GALNT13: variants seen among roughly 807,000 people sequenced by gnomAD.
GALNT13 encodes UDP-GalNAc:polypeptide N-acetylgalactosaminyltransferase 13.
In GALNT13, 28 loss-of-function variants were observed where a neutral mutation model predicts 64.2. That is an observed-to-expected ratio of 0.44 (90% CI 0.32 to 0.60). The LOEUF is 0.60. Among genes scored for constraint, GALNT13 ranks in the 20% least tolerant of loss-of-function variants. The pLI, the probability that GALNT13 is intolerant of heterozygous loss-of-function variation, is 0.05. For synonymous variants in GALNT13, 214 were observed against 224.6 expected (o/e 0.95, Z 0.42); for missense variants, 577 against 669.8 (o/e 0.86, Z 1.53).
chr2:153,900,083 T>A (rs1416047401), intron 1 of GALNT13, among the ~76,000 whole-genome samples: 1 of 151,316 alleles, frequency 6.6e-6, no homozygotes, highest in Non-Finnish European at 1.5e-5. Flanking sequence ...CTACAGGCAC[T>A]CACTACCATG....
chr2:154,078,399 T>C (rs1485117572), intron 3 of GALNT13, among the ~76,000 whole-genome samples: 1 of 151,538 alleles, frequency 6.6e-6, no homozygotes, highest in Non-Finnish European at 1.5e-5. Flanking sequence ...ATAAAGGATT[T>C]GTCTCAAACA....
the GALNT13 span, among the ~76,000 whole-genome samples, chr2:153,313,559 G>T: frequency 6.6e-6 from 1 of 151,986 alleles, no homozygotes; most frequent in Non-Finnish European, 1.5e-5. Flanking sequence ...GTGGCGGGGT[G>T]GGAGAAGGGA....
chr2:153,513,296 T>G, the GALNT13 span, among the ~76,000 whole-genome samples: 1 of 152,200 alleles, frequency 6.6e-6, no homozygotes, highest in Non-Finnish European at 1.5e-5. Context: ...TTATTGAAAT[T>G]GCTGCTTTGG....
the GALNT13 span, among the ~76,000 whole-genome samples, chr2:153,566,105 A>G: frequency 6.6e-6 from 1 of 152,142 alleles, no homozygotes; most frequent in Non-Finnish European, 1.5e-5. Flanking sequence ...AACAACTTAG[A>G]AGGCATGATA....
chr2:153,603,443 A>G, the GALNT13 span, among the ~76,000 whole-genome samples: 6 of 151,984 alleles, frequency 3.9e-5, no homozygotes, highest in African/African-American at 1.4e-4. Flanking sequence ...CCCAGATGTT[A>G]CCATATACTT....
chr2:153,534,935 C>CTCAAGTCAAGGAAG, the GALNT13 span, among the ~76,000 whole-genome samples: 1,536 of 152,126 alleles, frequency 0.01, 35 homozygotes, highest in African/African-American at 0.035. Context: ...TTGGCTTGGG[C>CTCAAGTCAAGGAAG]TCAGAGGCCT....
chr2:153,642,095 T>A, the GALNT13 span, among the ~76,000 whole-genome samples: 1 of 152,004 alleles, frequency 6.6e-6, no homozygotes, highest in Non-Finnish European at 1.5e-5. Context: ...TAAATTATTT[T>A]ATCTTCATAC....
chr2:153,715,459 T>A, the GALNT13 span, among the ~76,000 whole-genome samples: 10 of 152,262 alleles, frequency 6.6e-5, no homozygotes, highest in Non-Finnish European at 1.0e-4. Context: ...ACTGGTGCAT[T>A]GCCTTTTAGC....
chr2:153,201,162 TCCC>T, the GALNT13 span, among the ~76,000 whole-genome samples: 1 of 152,178 alleles, frequency 6.6e-6, no homozygotes. Context: ...CATCTGCCTG[TCCC>T]TGCAGTGGGA....
chr2:153,151,684 T>C, the GALNT13 span, among the ~76,000 whole-genome samples: 4 of 152,030 alleles, frequency 2.6e-5, no homozygotes, highest in African/African-American at 9.7e-5. Flanking sequence ...TCTGTAGGGA[T>C]GTGGATGAAG....
At chr2:153,773,375 T>C in the GALNT13 span, among the ~76,000 whole-genome samples, 2 of 152,206 alleles carry the variant, frequency 1.3e-5, no homozygotes, top group African/African-American at 4.8e-5. Context: ...TCTACCTCTC[T>C]GGGCAGGTGA....
chr2:153,517,319 C>T, the GALNT13 span, among the ~76,000 whole-genome samples: 1 of 152,034 alleles, frequency 6.6e-6, no homozygotes, highest in South Asian at 2.1e-4. Flanking sequence ...TTTCAAAAGC[C>T]CAGGGGGTGA....
intron 9 of GALNT13, among the ~76,000 whole-genome samples, chr2:154,315,785 T>C (rs1225361197): frequency 1.3e-5 from 2 of 152,236 alleles, no homozygotes; most frequent in East Asian, 3.8e-4. Flanking sequence ...GCAAGTGAAT[T>C]GTAAATTACA....
intron 8 of GALNT13, among the ~76,000 whole-genome samples, chr2:154,264,406 AG>A (rs1690867210): frequency 6.7e-6 from 1 of 148,978 alleles, no homozygotes; most frequent in Admixed American, 6.8e-5. Flanking sequence ...AGATCACCTG[AG>A]GTTAGGAGTT....
At chr2:154,422,538 G>A (rs188943751) in intron 11 of GALNT13, among the ~76,000 whole-genome samples, 127 of 152,232 alleles carry the variant, frequency 8.3e-4, no homozygotes, top group African/African-American at 2.9e-3. Flanking sequence ...GAAAATCTTA[G>A]TCTTCTAATG....
chr2:153,812,336 G>T, the GALNT13 span, among the ~76,000 whole-genome samples: 1 of 152,096 alleles, frequency 6.6e-6, no homozygotes, highest in Non-Finnish European at 1.5e-5. Flanking sequence ...GCAAAATTAT[G>T]GAACAATTTG....
the GALNT13 span, among the ~76,000 whole-genome samples, chr2:153,663,188 C>T: frequency 6.6e-6 from 1 of 152,180 alleles, no homozygotes; most frequent in South Asian, 2.1e-4. Context: ...AGTAGACATA[C>T]TTAATTTTAA....
the GALNT13 span, among the ~76,000 whole-genome samples, chr2:153,716,720 C>G: frequency 4.0e-5 from 6 of 150,960 alleles, no homozygotes; most frequent in African/African-American, 1.5e-4. Context: ...GAATACTATC[C>G]CACTTAACAC....
the GALNT13 span, among the ~76,000 whole-genome samples, chr2:153,392,523 TG>T: frequency 1.3e-5 from 2 of 152,170 alleles, no homozygotes; most frequent in South Asian, 4.1e-4. Flanking sequence ...GACAGGGTTT[TG>T]TCAGTTAGGA....
Sources: gnomAD v4.1 joint callset for allele counts (sites outside exome capture counted in the v4.1 genomes callset) on GRCh38, gnomAD v4.1.1 for gene constraint, MANE v1.5 for transcripts, NCBI Gene and HGNC (gene_info 2026-07-23, HGNC 2026-07-21) for gene names.